ARHGAP42: variants seen among roughly 807,000 people sequenced by gnomAD.
ARHGAP42 encodes rho GTPase-activating protein 42.
ARHGAP42 carries 63 observed loss-of-function variants against 125.0 expected under a neutral mutation model. That is an observed-to-expected ratio of 0.50 (90% CI 0.41 to 0.62). The LOEUF is 0.62. ARHGAP42 is among the 20% of genes least tolerant of loss of function. The pLI is 0.00. For synonymous variants in ARHGAP42, 339 were observed against 351.0 expected, an observed-to-expected ratio of 0.97 and a Z score of 0.38; for missense variants, 766 against 1,024.2, an observed-to-expected ratio of 0.75 and a Z score of 3.44.
intron 5 of ARHGAP42, 61 bp from the exon 6 acceptor site, chr11:100,921,433 A>T (rs1214099072): frequency 8.4e-7 from 1 of 1,185,938 alleles, no homozygotes; most frequent in Non-Finnish European, 1.2e-6. Context: ...ATACCAGAGC[A>T]GGAATTGAGT....
intron 4 of ARHGAP42, among the ~76,000 whole-genome samples, chr11:100,883,428 T>C (rs768818186): frequency 1.8e-4 from 27 of 152,132 alleles, no homozygotes; most frequent in Non-Finnish European, 3.4e-4. Flanking sequence ...CTGCATTCTC[T>C]GCCTCCTGAG....
chr11:100,899,326 G>C (rs901615550), intron 4 of ARHGAP42, among the ~76,000 whole-genome samples: 1 of 152,178 alleles, frequency 6.6e-6, no homozygotes, highest in African/African-American at 2.4e-5. Flanking sequence ...CTGTTGATTT[G>C]GGGTGGAGAG....
intron 4 of ARHGAP42, among the ~76,000 whole-genome samples, chr11:100,892,461 A>G (rs1283404936): frequency 2.0e-5 from 3 of 151,790 alleles, no homozygotes; most frequent in Non-Finnish European, 4.4e-5. Context: ...GTCAGTTTCT[A>G]AAAAGTGACA....
chr11:100,842,721 T>C lies in ARHGAP42; in HGVS notation c.313-16833T>C, dbSNP rs896402503. Among the ~76,000 whole-genome samples, 8 of 152,164 alleles carry C rather than the reference T, an allele frequency of 5.3e-5. No individual in the cohort carries two copies. In the East Asian group the frequency reaches 5.8e-4, roughly 11 times the overall value. On this transcript the variant is annotated intron_variant, in intron 3 of 23. Coordinates refer to ENST00000298815, the MANE Select transcript of ARHGAP42 (RefSeq NM_152432.4). ...TAAATAGCCTGCTCCTAAATAACCA[T>C]TGGGTCAACAATGAAATCAAAATAG...
At chr11:100,782,815 G>A (rs1385777578) in intron 2 of ARHGAP42, among the ~76,000 whole-genome samples, 1 of 152,048 alleles carries the variant, frequency 6.6e-6, no homozygotes, top group Non-Finnish European at 1.5e-5. Flanking sequence ...CAGTGCTGAG[G>A]GTACTATTTC....
chr11:100,773,311 A>G (rs1863025937), intron 2 of ARHGAP42, among the ~76,000 whole-genome samples: 2 of 152,260 alleles, frequency 1.3e-5, no homozygotes, highest in African/African-American at 2.4e-5. Flanking sequence ...ACTTATGTAC[A>G]TATTTTTCTA....
At chr11:100,814,120 G>C (rs1439935609) in intron 3 of ARHGAP42, among the ~76,000 whole-genome samples, 2 of 152,274 alleles carry the variant, frequency 1.3e-5, no homozygotes, top group East Asian at 3.9e-4. Context: ...TTGAACCAGG[G>C]AGGCAGAGGT....
At chr11:100,730,898 T>G (rs1861945907) in intron 1 of ARHGAP42, among the ~76,000 whole-genome samples, 1 of 152,188 alleles carries the variant, frequency 6.6e-6, no homozygotes, top group Non-Finnish European at 1.5e-5. Context: ...TGGTAAAAAT[T>G]TGTGTATCTA....
chr11:100,906,691 CTTCT>C (rs1356072043), intron 4 of ARHGAP42, among the ~76,000 whole-genome samples: 10 of 151,968 alleles, frequency 6.6e-5, no homozygotes, highest in Non-Finnish European at 1.3e-4. Context: ...TTCTGATATC[CTTCT>C]TTATGTTTTA....
At chr11:100,775,255 T>C (rs986936599) in intron 2 of ARHGAP42, among the ~76,000 whole-genome samples, 3 of 152,100 alleles carry the variant, frequency 2.0e-5, no homozygotes, top group Admixed American at 6.6e-5. Flanking sequence ...AAGGAAGACA[T>C]TGAGTTAGGA....
rs200485864 is a variant in ARHGAP42, at chr11:100,942,155, C to T, written c.933+271C>T. ...TTACAGAGGTGTCATCTCACATTTC[C>T]GGCAGCAGAGTTATTTGTCTATGCT... On this transcript the variant is annotated intron_variant, in intron 9 of 23. Coordinates refer to ENST00000298815, the MANE Select transcript of ARHGAP42 (RefSeq NM_152432.4). Among the ~76,000 whole-genome samples the T allele has an allele frequency of 6.6e-5, 10 of 152,212 alleles. No homozygotes were observed. The East Asian group carries it at 1.2e-3, about 18-fold the overall frequency.
chr11:100,856,099 T>C (rs1463755940), intron 3 of ARHGAP42, among the ~76,000 whole-genome samples: 4 of 152,046 alleles, frequency 2.6e-5, no homozygotes, highest in Non-Finnish European at 4.4e-5. Flanking sequence ...ACTTGATTTT[T>C]CCCCCAAGTA....
At chr11:100,912,339 A>G (rs1866944843) in intron 4 of ARHGAP42, among the ~76,000 whole-genome samples, 1 of 152,244 alleles carries the variant, frequency 6.6e-6, no homozygotes. Flanking sequence ...AACCTTTTCT[A>G]GGTATTTATG....
At chr11:100,972,212 C>T (rs1398928748) in intron 17 of ARHGAP42, among the ~76,000 whole-genome samples, 4 of 152,060 alleles carry the variant, frequency 2.6e-5, no homozygotes, top group Middle Eastern at 3.4e-3. Context: ...ATGGTCAGTC[C>T]GACATAAACA....
intron 4 of ARHGAP42, among the ~76,000 whole-genome samples, chr11:100,908,216 T>A (rs887192463): frequency 6.6e-6 from 1 of 152,230 alleles, no homozygotes; most frequent in Non-Finnish European, 1.5e-5. Flanking sequence ...TTCCATAATT[T>A]ATTTCTATTT....
chr11:100,808,052 T>A (rs963059788), intron 3 of ARHGAP42, among the ~76,000 whole-genome samples: 18 of 104,586 alleles, frequency 1.7e-4, no homozygotes, highest in Non-Finnish European at 3.6e-4. Context: ...GGTGAGGCAC[T>A]CAATTTTAAA....
intron 4 of ARHGAP42, among the ~76,000 whole-genome samples, chr11:100,895,230 C>T (rs1866321787): frequency 6.6e-6 from 1 of 152,098 alleles, no homozygotes; most frequent in South Asian, 2.1e-4. Context: ...ATCATTCATT[C>T]ATTCATTCAT....
At chr11:100,702,508 T>C (rs1361091133) in intron 1 of ARHGAP42, among the ~76,000 whole-genome samples, 1 of 151,874 alleles carries the variant, frequency 6.6e-6, no homozygotes, top group Non-Finnish European at 1.5e-5. Flanking sequence ...CACATGCTTT[T>C]GGAAAAGTGG....
Position 100,859,855 on chromosome 11 carries a change from C to G in ARHGAP42, c.384+230C>G, listed in dbSNP as rs149389795. On this transcript the variant is annotated intron_variant, in intron 4 of 23. Transcript: ENST00000298815. ...TGTTATAAATGAGTTCTTCCTTTCC[C>G]AAAAATTATAGGAAATTAATGATTT... The G allele has an allele frequency of 1.8e-3, 583 of 330,392 alleles. 4 individuals carry two copies. The highest frequency in any genetic ancestry group is 0.011 in the African/African-American group (494 of 46,952). The allele number at this position is 330,392 out of a possible 1,614,324, so 20.5% of individuals were successfully genotyped here.
Sources: gnomAD v4.1 joint callset for allele counts (sites outside exome capture counted in the v4.1 genomes callset) on GRCh38, gnomAD v4.1.1 for gene constraint, MANE v1.5 for transcripts, NCBI Gene and HGNC (gene_info 2026-07-23, HGNC 2026-07-21) for gene names.